Variants in ATP2C1 observed in about 807,000 individuals in gnomAD.
ATP2C1 encodes calcium-transporting ATPase type 2C member 1.
In ATP2C1, 31 loss-of-function variants were observed where a neutral mutation model predicts 120.5. That is an observed-to-expected ratio of 0.26 (90% confidence interval 0.19 to 0.35). The LOEUF is 0.35. Ranked by LOEUF, ATP2C1 falls within the 10% of genes least tolerant of loss-of-function variation. The pLI is 1.00. For synonymous variants in ATP2C1, 351 were observed against 358.7 expected, an observed-to-expected ratio of 0.98 and a Z score of 0.24; for missense variants, 731 against 1,107.5, an observed-to-expected ratio of 0.66 and a Z score of 4.83.
At chr3:130,892,703 T>G (rs1177659339), upstream of ATP2C1, among the ~76,000 whole-genome samples, 1 of 149,352 alleles carries the variant, frequency 6.7e-6, no homozygotes, top group East Asian at 2.0e-4. Flanking sequence ...TGGATCATAG[T>G]TAACTCGTTA....
intron 1 of ATP2C1, among the ~76,000 whole-genome samples, chr3:130,862,902 C>T (rs964545098): frequency 6.6e-6 from 1 of 152,144 alleles, no homozygotes; most frequent in Non-Finnish European, 1.5e-5. Context: ...GAGGGATAGC[C>T]AGTAAAAAGA....
intron 12 of ATP2C1, chr3:130,963,677 A>G (rs2060928263): frequency 2.5e-6 from 1 of 392,182 alleles, no homozygotes; most frequent in South Asian, 2.3e-5. Flanking sequence ...ACAGTAAACT[A>G]CAGAGCTAGA....
intron 1 of ATP2C1, among the ~76,000 whole-genome samples, chr3:130,884,852 A>G (rs1376621683): frequency 1.4e-5 from 2 of 146,812 alleles, no homozygotes; most frequent in Non-Finnish European, 3.0e-5. Context: ...TTGGCTTGGA[A>G]TATCTTTTTC....
rs1378507600 is a variant in ATP2C1, at chr3:130,924,157, TTC to T, written c.7-6258_7-6257del. Among the ~76,000 whole-genome samples, 7 of 152,178 alleles carry T rather than the reference TTC, an allele frequency of 4.6e-5. No homozygotes were observed. The South Asian group carries it at 1.0e-3, about 23-fold the overall frequency. ...TAGTTTTTTGTTTTTGTTTTTTTTT[TTC>T]ATTGCATCATTGTTATATAGGCCCT... On this transcript the variant is annotated intron_variant, in intron 2 of 27. Transcript: ENST00000510168.
downstream of ATP2C1, among the ~76,000 whole-genome samples, chr3:131,007,834 G>T (rs1022784039): frequency 1.3e-5 from 2 of 152,164 alleles, no homozygotes; most frequent in Non-Finnish European, 2.9e-5. Context: ...CACGTGATAT[G>T]TGCATCTTAC....
At chr3:130,937,602 A>G in intron 6 of ATP2C1, 139 bp downstream of exon 6, 4 of 747,242 alleles carry the variant, frequency 5.4e-6, no homozygotes, top group Non-Finnish European at 9.5e-6. Flanking sequence ...AAGTAATTTC[A>G]GATACAGACA....
rs146272850 is a variant in ATP2C1, at chr3:130,932,050, G to A, written c.146G>A (p.Cys49Tyr). The A allele has an allele frequency of 6.2e-7, 1 of 1,612,078 alleles. No homozygotes were observed. Among genetic ancestry groups the A allele is most frequent in the African/African-American group, 1.3e-5 (1 of 74,846 alleles). ...GATCTTCAGAATGGTCTAAACAAATGTGAAGTTAGTCATAGGCGAGCCTTT... is the reference window on the plus strand; with the variant it reads ...GATCTTCAGAATGGTCTAAACAAATATGAAGTTAGTCATAGGCGAGCCTTT... Reference protein sequence around the residue: ...QADLQNGLNKCEVSHRRAFHG... With the variant: ...QADLQNGLNKYEVSHRRAFHG... The change falls in exon 4 of 28, where the codon TGT becomes TAT. Residue 49 changes from cysteine to tyrosine, a missense_variant. Coordinates refer to ENST00000510168, the MANE Select transcript of ATP2C1 (RefSeq NM_001378687.1).
rs200126676 is a variant in ATP2C1 at position 130,996,646 on chromosome 3, A to T, written c.2127-34A>T. The T allele has an allele frequency of 9.1e-6, 12 of 1,323,016 alleles. No individual in the cohort carries two copies. The African/African-American group carries it at 1.4e-4, about 16-fold the overall frequency. The allele number at this position is 1,323,016 out of a possible 1,614,324, so 82.0% of individuals were successfully genotyped here. The stretch of plus-strand genomic sequence containing the variant: ...ATCATAGAATCAACAGATTTACTCT[A>T]CTGATATTTTTAAATGACTCTCTTT... On this transcript the variant is annotated intron_variant, in intron 23 of 27. Coordinates refer to ENST00000510168, the MANE Select transcript of ATP2C1 (RefSeq NM_001378687.1).
In ATP2C1 at chr3:130,894,146, C is replaced by G; in HGVS notation, c.-372C>G. 1.2e-6 allele frequency: 1 copy of G among 814,904 alleles called. No individual in the cohort carries two copies. The highest frequency in any genetic ancestry group is 6.3e-4 in the Middle Eastern group (1 of 1,596). 50.5% of individuals were successfully genotyped at this position (814,904 alleles called of 1,614,324 possible). ...GTGACGGGTCCCCTCACCTCCTCTT[C>G]TCTCCCCTCCCCGCCCGCCCTCTCT... On this transcript the variant is annotated 5_prime_UTR_variant, in exon 1 of 28. Transcript: ENST00000510168. The surrounding 1 kb of genome is among the most constrained non-coding windows in gnomAD (Gnocchi z 4.5).
chr3:130,992,401 GA>G (rs1351827249), intron 20 of ATP2C1, among the ~76,000 whole-genome samples: 1 of 152,024 alleles, frequency 6.6e-6, no homozygotes, highest in African/African-American at 2.4e-5. Context: ...GATGGGGTCA[GA>G]AAAAAGGATT....
intron 2 of ATP2C1, among the ~76,000 whole-genome samples, chr3:130,903,543 A>G (rs1444110874): frequency 6.6e-6 from 1 of 151,964 alleles, no homozygotes; most frequent in Non-Finnish European, 1.5e-5. Flanking sequence ...TATGAAATGA[A>G]TGTCATTGGT....
chr3:130,894,482 C>T lies in ATP2C1; in HGVS notation c.-180-108C>T. 14 of 1,366,156 alleles carry T rather than the reference C, an allele frequency of 1.0e-5. No individual in the cohort carries two copies. Among genetic ancestry groups the T allele is most frequent in the Non-Finnish European group, 1.3e-5 (14 of 1,057,646 alleles). The allele number at this position is 1,366,156 out of a possible 1,614,324, so 84.6% of individuals were successfully genotyped here. A position where few individuals can be genotyped will look rare whatever the true frequency, so the allele number is the denominator to read the frequency against. ...AGCTGGGGACGTTGCGGGCACACGA[C>T]GGGGCGGGTGCGGGATCTTGGGGAG... On this transcript the variant is annotated intron_variant, in intron 1 of 27. Transcript: ENST00000510168. The surrounding 1 kb of genome is among the most constrained non-coding windows in gnomAD (Gnocchi z 4.5).
upstream of ATP2C1, among the ~76,000 whole-genome samples, chr3:130,891,205 A>C (rs188358243): frequency 8.5e-5 from 13 of 152,390 alleles, no homozygotes; most frequent in African/African-American, 2.9e-4. Context: ...CTTTAAAAGA[A>C]GACATTAATT....
chr3:131,002,895 A>C lies in ATP2C1; in HGVS notation c.*1545A>C, dbSNP rs372789446. 3 of 985,794 alleles carry C rather than the reference A, an allele frequency of 3.0e-6. No individual in the cohort carries two copies. The highest frequency in any genetic ancestry group is 3.6e-6 in the Non-Finnish European group (3 of 829,904). The allele number at this position is 985,794 out of a possible 1,614,324, so 61.1% of individuals were successfully genotyped here. ...TTAACCCTTTAAGGCTGAATTGTCA[A>C]ATGTACATTGTTCCATGTCGTTAGA... On this transcript the variant is annotated 3_prime_UTR_variant, in exon 28 of 28. Coordinates refer to ENST00000510168, the MANE Select transcript of ATP2C1 (RefSeq NM_001378687.1).
intron 26 of ATP2C1, chr3:131,015,219 T>A (rs376481302): frequency 8.5e-6 from 6 of 702,348 alleles, no homozygotes; most frequent in African/African-American, 7.0e-5. Context: ...TTTGTATGCG[T>A]CCATATATCC....
chr3:130,893,533 C>T (rs1343620379), upstream of ATP2C1, among the ~76,000 whole-genome samples: 1 of 152,234 alleles, frequency 6.6e-6, no homozygotes, highest in Admixed American at 6.5e-5. Flanking sequence ...GCTCACGGTG[C>T]TCCAGTCCCT....
chr3:130,993,804 T>C, intron 21 of ATP2C1, 128 bp from the exon 22 acceptor site: 1 of 935,272 alleles, frequency 1.1e-6, no homozygotes. Flanking sequence ...CATTGAACAA[T>C]GGGTGGTCTA....
intron 14 of ATP2C1, among the ~76,000 whole-genome samples, chr3:130,966,196 A>G (rs892976878): frequency 4.0e-5 from 6 of 151,892 alleles, no homozygotes; most frequent in Non-Finnish European, 8.8e-5. Context: ...TTGAAAAGAG[A>G]CTCTTGATAT....
At chr3:130,993,635 A>G (rs1165789085) in intron 21 of ATP2C1, among the ~76,000 whole-genome samples, 1 of 152,196 alleles carries the variant, frequency 6.6e-6, no homozygotes, top group Non-Finnish European at 1.5e-5. Context: ...ATCTCCACAC[A>G]TTGTCAGATG....
Sources: allele counts gnomAD v4.1 joint callset (sites outside exome capture counted in the v4.1 genomes callset), GRCh38; gene constraint gnomAD v4.1.1; non-coding constraint Gnocchi (gnomAD v3.1); transcripts MANE v1.5; gene names NCBI Gene and HGNC (gene_info 2026-07-23, HGNC 2026-07-21).